NDUFA9: variants seen among roughly 807,000 people sequenced by gnomAD.
NDUFA9 encodes the protein NADH:ubiquinone oxidoreductase subunit A9.
A neutral mutation model predicts 45.9 loss-of-function variants in NDUFA9; 23 were observed. The observed-to-expected ratio is 0.50, with a 90% CI of 0.36 to 0.71. The LOEUF (loss-of-function observed/expected upper bound fraction) is 0.71, where lower values mean the gene tolerates loss of function less well. Among genes scored for constraint, NDUFA9 ranks in the 30% least tolerant of loss-of-function variants. The probability of loss-of-function intolerance (pLI) is 0.00; values close to 1 mark genes in which losing one functional copy is unlikely to be tolerated. For synonymous variants in NDUFA9, 176 were observed against 170.5 expected (o/e 1.03, Z -0.25); for missense variants, 466 against 488.2 (o/e 0.95, Z 0.43).
chr12:4,660,236 G>A lies in NDUFA9; in HGVS notation c.552+1059G>A, dbSNP rs145423297. On this transcript the variant is annotated intron_variant, in intron 5 of 10. Coordinates refer to ENST00000266544, the MANE Select transcript of NDUFA9 (RefSeq NM_005002.5). ...TTTTAAAAATTCTGATGCCTAGGCT[G>A]CGCTCCAGACCAATTAAAACAATTT... 1.6e-3 allele frequency among the ~76,000 whole-genome samples: 240 copies of A among 152,312 alleles called. 2 individuals are homozygous for A. The highest frequency in any genetic ancestry group is 4.9e-3 in the African/African-American group (203 of 41,566).
chr12:4,650,980 A>G (rs1945756312), intron 1 of NDUFA9, among the ~76,000 whole-genome samples: 1 of 152,202 alleles, frequency 6.6e-6, no homozygotes, highest in East Asian at 1.9e-4. Flanking sequence ...AGAGGACCTA[A>G]TAAGTTGTGG....
chr12:4,689,858 C>T lies in NDUFA9; in HGVS notation c.*2750C>T, dbSNP rs575679015. ...GGTGGCCGGGCAGAGGGGCTCCTCA[C>T]TTCCCAGTAGGGGCGGCCGGGCAGA... On this transcript the variant is annotated 3_prime_UTR_variant, in exon 11 of 11. Transcript: ENST00000266544. 3.3e-3 allele frequency: 546 copies of T among 166,288 alleles called. 4 individuals carry two copies. The highest frequency in any genetic ancestry group is 0.012 in the African/African-American group (481 of 41,774). The allele number at this position is 166,288 out of a possible 1,614,324, so 10.3% of individuals were successfully genotyped here. A position where few individuals can be genotyped will look rare whatever the true frequency, so the allele number is the denominator to read the frequency against.
In NDUFA9 at chr12:4,664,335, C is replaced by T. The variant is rs529938545; in HGVS notation, c.655+1700C>T. Among the ~76,000 whole-genome samples the T allele has an allele frequency of 9.7e-4, 147 of 152,316 alleles. 1 individual carries two copies. Among genetic ancestry groups the T allele is most frequent in the South Asian group, 8.1e-3 (39 of 4,828 alleles). ...TGAGATTACATCAGCAAAGTCACCA[C>T]CAGTTTGAACTAGAAGGGGCAGAAT... On this transcript the variant is annotated intron_variant, in intron 6 of 10. Coordinates refer to ENST00000266544, the MANE Select transcript of NDUFA9 (RefSeq NM_005002.5).
At chr12:4,654,570 C>A in intron 2 of NDUFA9, 108 bp downstream of exon 2, 2 of 1,286,500 alleles carry the variant, frequency 1.6e-6, no homozygotes, top group South Asian at 2.9e-5. Flanking sequence ...ATGAATTACT[C>A]CTGTCTTGGA....
intron 9 of NDUFA9, among the ~76,000 whole-genome samples, chr12:4,684,808 A>ATTT (rs10631547): frequency 6.5e-4 from 95 of 145,584 alleles, no homozygotes; most frequent in Admixed American, 1.4e-3. Context: ...TTGCTTTTGG[A>ATTT]TTTTTTTTTT....
Position 4,690,068 on chromosome 12 carries a change from C to T in NDUFA9, c.*2960C>T, listed in dbSNP as rs1946010996. ...AGCTGGGCATAAGATCTAGGACACT[C>T]ATATCCAGGGTGATTCTCTTCATAA... On this transcript the variant is annotated 3_prime_UTR_variant, in exon 11 of 11. Transcript: ENST00000266544. 1 of 152,350 alleles carries T rather than the reference C, an allele frequency of 6.6e-6. No individual in the cohort carries two copies. 9.4% of individuals were successfully genotyped at this position (152,350 alleles called of 1,614,324 possible).
At chr12:4,655,225 T>C (rs549030931) in intron 3 of NDUFA9, 1 of 272,088 alleles carries the variant, frequency 3.7e-6, no homozygotes, top group South Asian at 6.5e-5. Flanking sequence ...CCATAGACAA[T>C]ATGTACACAA....
chr12:4,656,587 G>A (rs932882154), intron 3 of NDUFA9, among the ~76,000 whole-genome samples: 4 of 152,160 alleles, frequency 2.6e-5, no homozygotes, highest in African/African-American at 7.2e-5. Flanking sequence ...TGATTTCCCC[G>A]CTTTAGTCTT....
chr12:4,650,800 GAC>G (rs1393698815), intron 1 of NDUFA9, among the ~76,000 whole-genome samples: 3 of 152,210 alleles, frequency 2.0e-5, no homozygotes, highest in Admixed American at 2.0e-4. Flanking sequence ...CTCTGGCAAA[GAC>G]AAGTGGGTGA....
At chr12:4,682,105 CAT>C (rs1945956222) in intron 8 of NDUFA9, 98 bp from the exon 9 acceptor site, 2 of 786,600 alleles carry the variant, frequency 2.5e-6, no homozygotes, top group Non-Finnish European at 2.1e-6. Context: ...TACTACAGTG[CAT>C]ATATGTTTCC....
At position 4,686,930 on chromosome 12, in the gene NDUFA9, A is replaced by C; in HGVS notation, c.964-8A>C. On this transcript the variant is annotated splice_region_variant and splice_polypyrimidine_tract_variant and intron_variant, in intron 10 of 10. Transcript: ENST00000266544. ...CAGCATTGTCTGTGGTCCTTTGTTT[A>C]TCCAAAGATGCACATCACAGACATG... The C allele has an allele frequency of 6.2e-7, 1 of 1,613,252 alleles. No homozygotes were observed. The highest frequency in any genetic ancestry group is 8.5e-7 in the Non-Finnish European group (1 of 1,179,554).
intron 3 of NDUFA9, chr12:4,657,539 G>A (rs1468181996): frequency 3.7e-6 from 2 of 536,110 alleles, no homozygotes; most frequent in East Asian, 3.2e-5. Flanking sequence ...AAAGTGTACT[G>A]TTACCTGTTT....
At chr12:4,662,473 A>G (rs939180172) in intron 5 of NDUFA9, 60 bp from the exon 6 acceptor site, 1 of 1,268,126 alleles carries the variant, frequency 7.9e-7, no homozygotes, top group Admixed American at 1.7e-5. Context: ...TAGTGGAAAG[A>G]ATGGATGCTT....
At chr12:4,676,136 T>C (rs1361162494) in intron 8 of NDUFA9, among the ~76,000 whole-genome samples, 2 of 152,204 alleles carry the variant, frequency 1.3e-5, no homozygotes, top group Non-Finnish European at 2.9e-5. Flanking sequence ...TGATGGAATA[T>C]ATCTCAAAAT....
chr12:4,681,386 C>T (rs927630735), intron 8 of NDUFA9, among the ~76,000 whole-genome samples: 4 of 151,220 alleles, frequency 2.6e-5, no homozygotes, highest in Non-Finnish European at 5.9e-5. Context: ...TTTTTATAGA[C>T]AGGGACTCCA....
chr12:4,651,582 A>G lies in NDUFA9; in HGVS notation c.49+2407A>G, dbSNP rs190757684. Among the ~76,000 whole-genome samples the G allele has an allele frequency of 3.5e-3, 532 of 152,320 alleles. 2 individuals carry two copies. Among genetic ancestry groups the G allele is most frequent in the African/African-American group, 0.012 (510 of 41,568 alleles). On this transcript the variant is annotated intron_variant, in intron 1 of 10. Transcript: ENST00000266544. ...AAATTTCAAAGTAATAAAAGCAACT[A>G]TTATTCATAGAATGCTTAATGTGCT...
chr12:4,656,935 TG>T (rs985719475), intron 3 of NDUFA9, among the ~76,000 whole-genome samples: 7 of 152,244 alleles, frequency 4.6e-5, no homozygotes, highest in African/African-American at 1.7e-4. Flanking sequence ...TTCATCTTTT[TG>T]TTCTTGAATC....
chr12:4,651,246 G>T (rs546157134), intron 1 of NDUFA9, among the ~76,000 whole-genome samples: 31 of 152,130 alleles, frequency 2.0e-4, no homozygotes, highest in Middle Eastern at 6.8e-3. Flanking sequence ...TTTAAGCAGA[G>T]AAATATAATG....
In NDUFA9 at chr12:4,654,329, C is replaced by T. The variant is rs767821094; in HGVS notation, c.87C>T (p.His29=). The change falls in exon 2 of 11, where the codon CAC becomes CAT. Residue 29 remains histidine, a synonymous_variant. Transcript: ENST00000266544. ...CTGCAATAGCCACATCTGTGTGTCA[C>T]GGCCCACCCTGTCGCCAGCTTCATC... ...AITAIATSVC[H]GPPCRQLHHA... is the part of the protein sequence containing the mutation. The T allele has an allele frequency of 1.2e-5, 20 of 1,614,130 alleles. No homozygotes were observed. Among genetic ancestry groups the T allele is most frequent in the Middle Eastern group, 1.6e-4 (1 of 6,062 alleles).
Sources: gnomAD v4.1 joint callset for allele counts (sites outside exome capture counted in the v4.1 genomes callset) on GRCh38, gnomAD v4.1.1 for gene constraint, MANE v1.5 for transcripts, NCBI Gene and HGNC (gene_info 2026-07-23, HGNC 2026-07-21) for gene names.